Variants in PITPNC1 observed in about 807,000 individuals in gnomAD.
PITPNC1 encodes the protein phosphatidylinositol transfer protein cytoplasmic 1, also known as cytoplasmic phosphatidylinositol transfer protein 1.
A neutral mutation model predicts 44.7 loss-of-function variants in PITPNC1; 18 were observed. That is an observed-to-expected ratio of 0.40 (90% CI 0.28 to 0.60). PITPNC1 has a LOEUF of 0.60. PITPNC1 is among the 20% of genes least tolerant of loss of function. The probability of loss-of-function intolerance (pLI) is 0.39; values close to 1 mark genes in which losing one functional copy is unlikely to be tolerated. For missense variants in PITPNC1, 290 were observed against 418.4 expected, an observed-to-expected ratio of 0.69 and a Z score of 2.68; for synonymous variants, 141 against 149.6, an observed-to-expected ratio of 0.94 and a Z score of 0.42.
intron 1 of PITPNC1, among the ~76,000 whole-genome samples, chr17:67,450,434 CT>C (rs1404104673): frequency 1.3e-5 from 2 of 151,558 alleles, no homozygotes; most frequent in Admixed American, 6.6e-5. Context: ...TTTTAAGTTT[CT>C]TTTTTTTGAA....
intron 4 of PITPNC1, among the ~76,000 whole-genome samples, chr17:67,554,512 C>T (rs2040810078): frequency 6.6e-6 from 1 of 152,180 alleles, no homozygotes; most frequent in Non-Finnish European, 1.5e-5. Flanking sequence ...CCCACCTTGG[C>T]TTCCCAAAGT....
chr17:67,402,123 T>C (rs2038324589), intron 1 of PITPNC1, among the ~76,000 whole-genome samples: 2 of 152,222 alleles, frequency 1.3e-5, no homozygotes, highest in Admixed American at 1.3e-4. Flanking sequence ...TCTGACCTCG[T>C]AACATGAAAG....
At chr17:67,652,471 C>T (rs937868495) in intron 6 of PITPNC1, among the ~76,000 whole-genome samples, 1 of 152,202 alleles carries the variant, frequency 6.6e-6, no homozygotes, top group Non-Finnish European at 1.5e-5. Context: ...CCCAGGGAAA[C>T]AGCCCTGGCA....
Position 67,552,295 on chromosome 17 carries a change from T to A in PITPNC1, c.236T>A (p.Ile79Lys). The A allele has an allele frequency of 6.2e-7, 1 of 1,607,626 alleles. No individual in the cohort carries two copies. The highest frequency in any genetic ancestry group is 8.5e-7 in the Non-Finnish European group (1 of 1,174,136). Residue 79 changes from isoleucine to lysine, a missense_variant, in exon 3 of 9, where the codon ATA becomes AAA. Transcript: ENST00000581322. Reference protein sequence around the residue: ...PSWARAVVPKIFYVTEKAWNY... With the variant: ...PSWARAVVPKKFYVTEKAWNY... ...TGGGCTAGAGCTGTTGTCCCCAAAATATTTTATGTGACAGAGAAGGCTTGG... is the reference window on the plus strand; with the variant it reads ...TGGGCTAGAGCTGTTGTCCCCAAAAAATTTTATGTGACAGAGAAGGCTTGG...
intron 1 of PITPNC1, among the ~76,000 whole-genome samples, chr17:67,438,305 C>G (rs1159059976): frequency 6.9e-6 from 1 of 144,078 alleles, no homozygotes; most frequent in East Asian, 2.0e-4. Flanking sequence ...GAACAGAGTT[C>G]TAAGTGACTT....
chr17:67,612,135 C>T (rs1372709878), intron 5 of PITPNC1: 2 of 152,154 alleles, frequency 1.3e-5, no homozygotes, highest in African/African-American at 2.4e-5. Context: ...AGATGAGTAC[C>T]AACTCATCTT....
chr17:67,494,161 C>CTCTTTCTTTCTTTCTT (rs1555657746), intron 1 of PITPNC1, among the ~76,000 whole-genome samples: 1 of 103,916 alleles, frequency 9.6e-6, no homozygotes, highest in African/African-American at 4.0e-5. Context: ...TATGTGTAAC[C>CTCTTTCTTTCTTTCTT]TCTTTCTTTC....
chr17:67,443,005 T>C (rs551257978), intron 1 of PITPNC1, among the ~76,000 whole-genome samples: 1 of 152,210 alleles, frequency 6.6e-6, no homozygotes, highest in East Asian at 1.9e-4. Context: ...GGCTCTGACC[T>C]ACACAGCTGC....
intron 1 of PITPNC1, among the ~76,000 whole-genome samples, chr17:67,496,855 G>A (rs1053332682): frequency 3.3e-5 from 5 of 151,952 alleles, no homozygotes; most frequent in South Asian, 2.1e-4. Context: ...TATTTAGAGC[G>A]AGAAGCCTTC....
chr17:67,581,070 C>G (rs1166122742), intron 5 of PITPNC1, among the ~76,000 whole-genome samples: 1 of 152,162 alleles, frequency 6.6e-6, no homozygotes, highest in Non-Finnish European at 1.5e-5. Context: ...GCAGAGGGGA[C>G]ACGTGGCCTC....
intron 2 of PITPNC1, among the ~76,000 whole-genome samples, chr17:67,550,329 A>C (rs1379259212): frequency 6.6e-6 from 1 of 151,796 alleles, no homozygotes; most frequent in Non-Finnish European, 1.5e-5. Flanking sequence ...ATTTGTTTTA[A>C]CCCTGATTAA....
At chr17:67,381,468 C>G (rs1224386892) in intron 1 of PITPNC1, among the ~76,000 whole-genome samples, 1 of 135,650 alleles carries the variant, frequency 7.4e-6, no homozygotes, top group African/African-American at 2.7e-5. Context: ...GTTTCTCTCT[C>G]TTTTTTTTTT....
intron 1 of PITPNC1, among the ~76,000 whole-genome samples, chr17:67,410,506 C>T (rs2038478944): frequency 6.6e-6 from 1 of 152,072 alleles, no homozygotes; most frequent in African/African-American, 2.4e-5. Context: ...ACCTCAGCCT[C>T]CTGAGTAGCT....
intron 6 of PITPNC1, among the ~76,000 whole-genome samples, chr17:67,644,542 C>G (rs113015629): frequency 8.1e-5 from 12 of 148,630 alleles, no homozygotes; most frequent in African/African-American, 2.7e-4. Flanking sequence ...TCAAGCGATT[C>G]TCCTGCCTCA....
At chr17:67,415,390 C>T (rs939157460) in intron 1 of PITPNC1, among the ~76,000 whole-genome samples, 1 of 152,170 alleles carries the variant, frequency 6.6e-6, no homozygotes, top group Non-Finnish European at 1.5e-5. Context: ...CCTAACAAGA[C>T]GCACGTCATC....
At chr17:67,645,433 A>G (rs1388034542) in intron 6 of PITPNC1, among the ~76,000 whole-genome samples, 2 of 152,108 alleles carry the variant, frequency 1.3e-5, no homozygotes, top group East Asian at 3.9e-4. Context: ...CCCTGAGCTC[A>G]GAAGGCCCAG....
rs1015465967 is a variant in PITPNC1, at chr17:67,450,570, C to T, written c.48+72368C>T. On this transcript the variant is annotated intron_variant, in intron 1 of 8. Transcript: ENST00000581322. ...CCTCTCGAGTAGCTGGGACTACAGG[C>T]GCACACCACCGTGCCCACTAATTTG... 1.8e-4 allele frequency among the ~76,000 whole-genome samples: 27 copies of T among 152,110 alleles called. 1 individual carries two copies. Among genetic ancestry groups the T allele is most frequent in the African/African-American group, 5.8e-4 (24 of 41,488 alleles).
At chr17:67,533,527 C>T (rs928959286) in intron 2 of PITPNC1, among the ~76,000 whole-genome samples, 22 of 152,102 alleles carry the variant, frequency 1.4e-4, no homozygotes, top group Non-Finnish European at 3.1e-4. Context: ...AATTAAAGGA[C>T]TTTGTCTCAT....
At chr17:67,604,937 G>C (rs557897053) in intron 5 of PITPNC1, among the ~76,000 whole-genome samples, 1 of 152,144 alleles carries the variant, frequency 6.6e-6, no homozygotes, top group East Asian at 1.9e-4. Flanking sequence ...AAATTAGCTG[G>C]GTGCGTTGGG....
Sources: gnomAD v4.1 joint callset for allele counts (sites outside exome capture counted in the v4.1 genomes callset) on GRCh38, gnomAD v4.1.1 for gene constraint, MANE v1.5 for transcripts, NCBI Gene and HGNC (gene_info 2026-07-23, HGNC 2026-07-21) for gene names.